Variants in SASH1 observed in about 807,000 individuals in gnomAD.
SASH1 encodes the protein SAM and SH3 domain containing 1.
Under a neutral mutation model 125.2 loss-of-function variants are expected in SASH1, and 44 were observed. The observed-to-expected ratio is 0.35, with a 90% CI of 0.28 to 0.45. The LOEUF (loss-of-function observed/expected upper bound fraction) is 0.45. Ranked by LOEUF, SASH1 falls within the 20% of genes least tolerant of loss-of-function variation. The probability of loss-of-function intolerance (pLI) is 1.00; values close to 1 mark genes in which losing one functional copy is unlikely to be tolerated. For synonymous variants in SASH1, 639 were observed against 649.1 expected (o/e 0.98, Z 0.24); for missense variants, 1,426 against 1,614.5 (o/e 0.88, Z 2.00).
chr6:148,331,530 C>T (rs1423072804), intron 1 of SASH1, among the ~76,000 whole-genome samples: 2 of 152,100 alleles, frequency 1.3e-5, no homozygotes, highest in Admixed American at 1.3e-4. Flanking sequence ...AGGGTTTCAT[C>T]ATGTTGGCCA....
chr6:148,326,339 T>C (rs867843917), intron 1 of SASH1, among the ~76,000 whole-genome samples: 6 of 76,344 alleles, frequency 7.9e-5, no homozygotes, highest in African/African-American at 2.4e-4. Flanking sequence ...TATATATATA[T>C]ATATATATAT....
chr6:148,486,810 A>G (rs1043398757), intron 7 of SASH1, among the ~76,000 whole-genome samples: 1 of 148,316 alleles, frequency 6.7e-6, no homozygotes, highest in Non-Finnish European at 1.5e-5. Flanking sequence ...CTGTAGTCCA[A>G]GCTACCCGGG....
At chr6:148,425,140 A>G (rs1375396323) in intron 2 of SASH1, among the ~76,000 whole-genome samples, 2 of 152,178 alleles carry the variant, frequency 1.3e-5, no homozygotes, top group African/African-American at 2.4e-5. Context: ...ATGGAGTCCA[A>G]GGTGCAGTGG....
At chr6:148,224,329 G>A in the SASH1 span, among the ~76,000 whole-genome samples, 223 of 151,792 alleles carry the variant, frequency 1.5e-3, no homozygotes, top group Admixed American at 2.3e-3. Context: ...AGGTTGCCTT[G>A]ATGCCTTGAT....
intron 1 of SASH1, among the ~76,000 whole-genome samples, chr6:148,320,204 T>C (rs1780602757): frequency 2.6e-5 from 4 of 152,132 alleles, no homozygotes; most frequent in Admixed American, 2.6e-4. Context: ...TCACTGGGGG[T>C]TGGGGAATCT....
At chr6:148,199,591 G>A in the SASH1 span, among the ~76,000 whole-genome samples, 2 of 151,632 alleles carry the variant, frequency 1.3e-5, no homozygotes, top group Admixed American at 6.6e-5. Flanking sequence ...CCAGCTATTC[G>A]GCAGGCGGAG....
intron 2 of SASH1, among the ~76,000 whole-genome samples, chr6:148,397,508 A>G (rs909071700): frequency 1.1e-4 from 16 of 152,178 alleles, no homozygotes; most frequent in Admixed American, 1.3e-4. Flanking sequence ...GTTTTGAGGT[A>G]TAACTTATAT....
chr6:148,287,666 A>T (rs1159195111), intron 1 of SASH1, among the ~76,000 whole-genome samples: 1 of 147,728 alleles, frequency 6.8e-6, no homozygotes, highest in Non-Finnish European at 1.5e-5. Flanking sequence ...GTGTGTGTAC[A>T]TGCCTGTAAT....
intron 1 of SASH1, among the ~76,000 whole-genome samples, chr6:148,298,378 C>T (rs1417411957): frequency 2.6e-5 from 4 of 151,918 alleles, no homozygotes; most frequent in Non-Finnish European, 5.9e-5. Flanking sequence ...ACCTGTAATC[C>T]CAGCACTTTG....
In SASH1 at chr6:148,544,806, G is replaced by A. The variant is rs142293895; in HGVS notation, c.3336G>A (p.Pro1112=). 1.9e-4 allele frequency: 294 copies of A among 1,588,574 alleles called. No individual in the cohort carries two copies. In the African/African-American group the frequency reaches 3.4e-3, roughly 18 times the overall value. The change falls in exon 18 of 20, where the codon CCG becomes CCA. Residue 1112 remains proline, a synonymous_variant. Coordinates refer to ENST00000367467, the MANE Select transcript of SASH1 (RefSeq NM_015278.5). This position sits in a 1 kb window ranked among gnomAD's most constrained non-coding sequence, Gnocchi z 6.4. ...HAEGIDLTEE[P]YSDKHGRCGI... is the part of the protein sequence containing the mutation. The stretch of plus-strand genomic sequence containing the variant: ...AAGGCATCGATCTCACGGAGGAGCC[G>A]TATTCTGATAAGGTATCAAAGGTCC...
At chr6:148,310,946 T>C (rs1223388730) in intron 1 of SASH1, among the ~76,000 whole-genome samples, 1 of 152,070 alleles carries the variant, frequency 6.6e-6, no homozygotes, top group Non-Finnish European at 1.5e-5. Flanking sequence ...TTTTGCTTTG[T>C]TTTGTTTTGT....
intron 4 of SASH1, among the ~76,000 whole-genome samples, chr6:148,454,355 A>C (rs1474527338): frequency 3.9e-5 from 6 of 152,192 alleles, no homozygotes; most frequent in African/African-American, 1.4e-4. Flanking sequence ...AAAAAGAGCT[A>C]CTTTCTGCAT....
chr6:148,348,364 C>T (rs566609972), intron 1 of SASH1, among the ~76,000 whole-genome samples: 1 of 152,294 alleles, frequency 6.6e-6, no homozygotes, highest in Non-Finnish European at 1.5e-5. Context: ...CTTAAGTGAC[C>T]TTCTTCCATG....
chr6:148,440,049 T>C, intron 2 of SASH1, 135 bp from the exon 3 acceptor site: 1 of 710,908 alleles, frequency 1.4e-6, no homozygotes, highest in African/African-American at 1.8e-5. Context: ...GAAAATCTGT[T>C]TATCTCTGCC....
chr6:148,516,129 A>G lies in SASH1; in HGVS notation c.862+1673A>G, dbSNP rs1295575627. On this transcript the variant is annotated intron_variant, in intron 9 of 19. Coordinates refer to ENST00000367467, the MANE Select transcript of SASH1 (RefSeq NM_015278.5). ...AGGGATAACTCTAACGTAAAAAGTA[A>G]TAACCATATGGAATTCTGGCTCTGA... 5.2e-5 allele frequency among the ~76,000 whole-genome samples: 8 copies of G among 152,386 alleles called. No homozygotes were observed. In the East Asian group the frequency reaches 1.2e-3, roughly 22 times the overall value.
At chr6:148,449,844 C>T (rs1438623156) in intron 4 of SASH1, among the ~76,000 whole-genome samples, 3 of 152,134 alleles carry the variant, frequency 2.0e-5, no homozygotes, top group African/African-American at 7.2e-5. Context: ...TGTGAAGAGC[C>T]AGGACCAAAC....
the SASH1 span, among the ~76,000 whole-genome samples, chr6:148,240,319 A>T: frequency 6.6e-6 from 1 of 152,198 alleles, no homozygotes; most frequent in Admixed American, 6.5e-5. Context: ...AGTGTAGGGT[A>T]AATTCAAATT....
At position 148,495,757 on chromosome 6, in the gene SASH1, T is replaced by G. The variant is rs1481494089; in HGVS notation, c.729+8042T>G. Among the ~76,000 whole-genome samples the G allele has an allele frequency of 2.0e-5, 3 of 152,238 alleles. No individual in the cohort carries two copies. Among genetic ancestry groups the G allele is most frequent in the Non-Finnish European group, 4.4e-5 (3 of 68,040 alleles). ...GAAGAGTGACACATACTGTAGTACT[T>G]CAGTCGGCGTTGTAGGTCCGGTGAA... On this transcript the variant is annotated intron_variant, in intron 8 of 19. Transcript: ENST00000367467. This position sits in a 1 kb window ranked among gnomAD's most constrained non-coding sequence, Gnocchi z 4.0.
chr6:148,435,426 T>G (rs1450776105), intron 2 of SASH1, among the ~76,000 whole-genome samples: 1 of 143,356 alleles, frequency 7.0e-6, no homozygotes, highest in East Asian at 2.0e-4. Flanking sequence ...TAGGAAACAA[T>G]AGTGAATACT....
Sources: gnomAD v4.1 joint callset for allele counts (sites outside exome capture counted in the v4.1 genomes callset) on GRCh38, gnomAD v4.1.1 for gene constraint, Gnocchi (gnomAD v3.1) non-coding constraint, MANE v1.5 for transcripts, NCBI Gene and HGNC (gene_info 2026-07-23, HGNC 2026-07-21) for gene names.